The following HSPH1 variants were observed in gnomAD, a reference collection of about 807,000 sequenced individuals.
HSPH1 encodes heat shock protein family H (Hsp110) member 1.
In HSPH1, 40 loss-of-function variants were observed where a neutral mutation model predicts 100.0. The ratio of observed to expected loss-of-function variants is 0.40; its 90% confidence interval spans 0.31 to 0.52. The LOEUF (loss-of-function observed/expected upper bound fraction) is 0.52, where lower values mean the gene tolerates loss of function less well. HSPH1 is among the 20% of genes least tolerant of loss of function. HSPH1 has a pLI of 0.54. For missense variants in HSPH1, 876 were observed against 1,015.1 expected, an observed-to-expected ratio of 0.86 and a Z score of 1.86; for synonymous variants, 403 against 344.0, an observed-to-expected ratio of 1.17 and a Z score of -1.90.
intron 1 of HSPH1, 132 bp from the exon 2 acceptor site, chr13:31,158,995 T>C (rs574360565): frequency 3.4e-6 from 2 of 588,014 alleles, no homozygotes; most frequent in Non-Finnish European, 6.1e-6. Flanking sequence ...TTTTAAGGTC[T>C]ATAGCTTTCA....
At chr13:31,160,833 C>A (rs1038979265) in intron 1 of HSPH1, among the ~76,000 whole-genome samples, 2 of 152,146 alleles carry the variant, frequency 1.3e-5, no homozygotes, top group African/African-American at 4.8e-5. Flanking sequence ...GGCATTAAGG[C>A]CAACAATGTT....
chr13:31,162,248 C>T, upstream of HSPH1: 1 of 726,678 alleles, frequency 1.4e-6, no homozygotes, highest in South Asian at 1.7e-5. Flanking sequence ...GAGGTGGTGT[C>T]CGATCCTTAA....
intron 8 of HSPH1, among the ~76,000 whole-genome samples, chr13:31,149,740 A>G (rs949555716): frequency 1.3e-5 from 2 of 152,148 alleles, no homozygotes; most frequent in Admixed American, 1.3e-4. Context: ...TTTGATTTCC[A>G]GCTTGAGAAA....
intron 8 of HSPH1, among the ~76,000 whole-genome samples, chr13:31,149,160 C>T (rs1384964478): frequency 6.6e-6 from 1 of 151,914 alleles, no homozygotes; most frequent in African/African-American, 2.4e-5. Flanking sequence ...AGGCATATTC[C>T]ATTATGAAGA....
At position 31,136,510 on chromosome 13, in the gene HSPH1, A is replaced by G. The variant is rs1955886929; in HGVS notation, c.*808T>C. 1 of 152,552 alleles carries G rather than the reference A, an allele frequency of 6.6e-6. No homozygotes were observed. The highest frequency in any genetic ancestry group is 1.5e-5 in the Non-Finnish European group (1 of 68,032). The allele number at this position is 152,552 out of a possible 1,614,324, so 9.4% of individuals were successfully genotyped here. A position where few individuals can be genotyped will look rare whatever the true frequency, so the allele number is the denominator to read the frequency against. ...TGTCAGGAGAAAAACATTTTCACTTAGAAAAGAGAGAACATAAGCAGTAAA... is the reference window on the plus strand; with the variant it reads ...TGTCAGGAGAAAAACATTTTCACTTGGAAAAGAGAGAACATAAGCAGTAAA... On this transcript the variant is annotated 3_prime_UTR_variant, in exon 18 of 18. Transcript: ENST00000320027.
rs757491156 is a variant in HSPH1 at position 31,152,906 on chromosome 13, C to A, written c.475G>T (p.Ala159Ser). 37 of 1,612,592 alleles carry A rather than the reference C, an allele frequency of 2.3e-5. No individual in the cohort carries two copies. The highest frequency in any genetic ancestry group is 3.1e-5 in the Non-Finnish European group (36 of 1,178,950). ...CAGTTTAGGCCAACAATCTGTGCAG[C>A]ATCTAACACAGATCGCCTCTCAGCA... ...TDAERRSVLDAAQIVGLNCLR... is the reference protein window; with the variant it reads ...TDAERRSVLDSAQIVGLNCLR... The change falls in exon 5 of 18, where the codon GCT (alanine) becomes TCT (serine). Residue 159 changes from alanine to serine, a missense_variant. Transcript: ENST00000320027.
chr13:31,157,319 T>A (rs939949587), intron 2 of HSPH1, among the ~76,000 whole-genome samples: 1 of 152,248 alleles, frequency 6.6e-6, no homozygotes. Context: ...AGTCCCACTA[T>A]CCTTTTGAAC....
chr13:31,141,164 C>T lies in HSPH1; in HGVS notation c.1812G>A (p.Trp604Ter). The T allele has an allele frequency of 6.2e-7, 1 of 1,607,680 alleles. No individual in the cohort carries two copies. Among genetic ancestry groups the T allele is most frequent in the Non-Finnish European group, 8.5e-7 (1 of 1,175,888 alleles). Residue 604 changes from tryptophan to a stop codon, truncating the protein, a stop_gained, in exon 13 of 18, where the codon TGG (tryptophan) becomes TGA (stop). Coordinates refer to ENST00000320027, the MANE Select transcript of HSPH1 (RefSeq NM_006644.4). LOFTEE classifies it high-confidence loss of function. ...VELPIEANLV[W>*]QLGKDLLNMY... Reference sequence around the variant, plus strand: ...TGTTAAGAAGGTCTTTCCCTAACTGCCAGACCAAGTTGGCTTCAATAGGCA... The same window carrying T: ...TGTTAAGAAGGTCTTTCCCTAACTGTCAGACCAAGTTGGCTTCAATAGGCA...
At chr13:31,162,260 G>A (rs987788008), upstream of HSPH1, 6 of 680,116 alleles carry the variant, frequency 8.8e-6, no homozygotes, top group African/African-American at 1.8e-5. Context: ...GATCCTTAAC[G>A]CTAAAGGGAG....
chr13:31,151,218 C>G lies in HSPH1; in HGVS notation c.664-27G>C, dbSNP rs183260215. ...TAATTTGGTTGAAACAACAAATAGT[C>G]TGGTTATTTTCAATCACATTTGTAA... On this transcript the variant is annotated intron_variant, in intron 6 of 17. Transcript: ENST00000320027. 1.3e-5 allele frequency: 20 copies of G among 1,558,624 alleles called. No homozygotes were observed. The East Asian group carries it at 4.0e-4, about 32-fold the overall frequency.
intron 10 of HSPH1, among the ~76,000 whole-genome samples, chr13:31,147,266 A>T (rs1237964949): frequency 6.6e-6 from 1 of 152,190 alleles, no homozygotes; most frequent in East Asian, 1.9e-4. Context: ...TTTTAACAAT[A>T]CACCACAACT....
In HSPH1 at chr13:31,141,212, T is replaced by G. The variant is rs1240626043; in HGVS notation, c.1764A>C (p.Lys588Asn). The change falls in exon 13 of 18, where the codon AAA becomes AAC. Residue 588 changes from lysine (K) to asparagine (N), a missense_variant. Transcript: ENST00000320027. ...GCAGCTCAACATTCACCACCTTTAT[T>G]TTGGGCTTTTTAGCTTCTGGAGGCT... ...VDQPPEAKKP[K>N]IKVVNVELPI... The G allele has an allele frequency of 6.2e-7, 1 of 1,610,246 alleles. No individual in the cohort carries two copies. Among genetic ancestry groups the G allele is most frequent in the African/African-American group, 1.3e-5 (1 of 74,740 alleles).
At chr13:31,139,533 G>A (rs952663243) in intron 14 of HSPH1, among the ~76,000 whole-genome samples, 10 of 152,032 alleles carry the variant, frequency 6.6e-5, no homozygotes, top group African/African-American at 2.2e-4. Context: ...CAACTTTAGA[G>A]ATCCCACCAT....
intron 2 of HSPH1, among the ~76,000 whole-genome samples, chr13:31,158,254 AAAAGTT>A (rs1406819791): frequency 5.3e-5 from 8 of 152,184 alleles, no homozygotes; most frequent in Non-Finnish European, 1.0e-4. Flanking sequence ...AAAAGTTACT[AAAAGTT>A]AAAGTCAGCA....
chr13:31,161,863 G>A lies in HSPH1; in HGVS notation c.-281C>T, dbSNP rs533970271. On this transcript the variant is annotated 5_prime_UTR_variant, in exon 1 of 18. Coordinates refer to ENST00000320027, the MANE Select transcript of HSPH1 (RefSeq NM_006644.4). ...CACCTCGGGTTGCCTGCCTCACTCT[G>A]CCGCGGCTCGCACACCGGCGCCGGC... is the stretch of plus-strand genomic sequence containing the variant. The A allele has an allele frequency of 7.4e-6, 11 of 1,483,662 alleles. No homozygotes were observed. The South Asian group carries it at 1.4e-4, about 19-fold the overall frequency. 91.9% of individuals were successfully genotyped at this position (1,483,662 alleles called of 1,614,324 possible).
intron 8 of HSPH1, among the ~76,000 whole-genome samples, chr13:31,148,998 T>C (rs1400730574): frequency 2.6e-5 from 4 of 152,058 alleles, no homozygotes; most frequent in African/African-American, 9.7e-5. Context: ...AGACAGGACA[T>C]ATAAAAATAA....
intron 10 of HSPH1, among the ~76,000 whole-genome samples, chr13:31,147,384 G>A (rs760040058): frequency 5.9e-5 from 9 of 152,068 alleles, no homozygotes; most frequent in Non-Finnish European, 1.2e-4. Context: ...GCAAGGGTAC[G>A]TCCTGAAAAG....
intron 3 of HSPH1, among the ~76,000 whole-genome samples, 195 bp from the exon 4 acceptor site, chr13:31,154,950 A>G (rs893602540): frequency 6.6e-6 from 1 of 152,162 alleles, no homozygotes; most frequent in Non-Finnish European, 1.5e-5. Flanking sequence ...GAAAAGAGAA[A>G]AAAAGAAAAA....
At chr13:31,152,609 C>T (rs1956528188) in intron 5 of HSPH1, 2 of 270,962 alleles carry the variant, frequency 7.4e-6, no homozygotes, top group East Asian at 1.6e-4. Flanking sequence ...AAGCTAAATC[C>T]AACCTACATT....
Sources: allele counts gnomAD v4.1 joint callset (sites outside exome capture counted in the v4.1 genomes callset), GRCh38; gene constraint gnomAD v4.1.1; transcripts MANE v1.5; gene names NCBI Gene and HGNC (gene_info 2026-07-23, HGNC 2026-07-21).